MDN1: variants seen among roughly 807,000 people sequenced by gnomAD.
MDN1 encodes the protein midasin.
A neutral mutation model predicts 669.2 loss-of-function variants in MDN1; 266 were observed. The observed-to-expected ratio is 0.40, with a 90% confidence interval of 0.36 to 0.44. The LOEUF is 0.44. Among genes scored for constraint, MDN1 ranks in the 20% least tolerant of loss-of-function variants. The probability of loss-of-function intolerance (pLI) is 1.00; values close to 1 mark genes in which losing one functional copy is unlikely to be tolerated. For synonymous variants in MDN1, 2,385 were observed against 2,457.1 expected, an observed-to-expected ratio of 0.97 and a Z score of 0.87; for missense variants, 5,940 against 6,754.0, an observed-to-expected ratio of 0.88 and a Z score of 4.22.
Position 89,805,034 on chromosome 6 carries a change from C to CAAAAAA in MDN1, c.103-1486_103-1481dup, listed in dbSNP as rs34538984. On this transcript the variant is annotated intron_variant, in intron 1 of 101. Transcript: ENST00000369393. ...CCTGGGCGACAGCGAGACTCCGTCT[C>CAAAAAA]AAAAAAAAAAAAAAAAAAAAAAAAA... is the stretch of plus-strand genomic sequence containing the variant. Among the ~76,000 whole-genome samples the CAAAAAA allele has an allele frequency of 1.4e-3, 83 of 58,472 alleles. 2 individuals are homozygous for CAAAAAA. The highest frequency in any genetic ancestry group is 2.4e-3 in the South Asian group (3 of 1,274). 38.4% of individuals were successfully genotyped at this position (58,472 alleles called of 152,430 possible).
chr6:89,795,048 CG>C (rs1819507236), intron 2 of MDN1, among the ~76,000 whole-genome samples: 1 of 152,084 alleles, frequency 6.6e-6, no homozygotes, highest in Admixed American at 6.6e-5. Context: ...TCTACTTAGT[CG>C]TAAAATTGTA....
At chr6:89,738,216 T>C in intron 33 of MDN1, 110 bp downstream of exon 33, 1 of 1,278,422 alleles carries the variant, frequency 7.8e-7, no homozygotes. Context: ...TCCTTTCTTC[T>C]TATAACACAC....
chr6:89,659,051 G>A (rs1264720345), intron 88 of MDN1, 134 bp from the exon 89 acceptor site: 1 of 784,830 alleles, frequency 1.3e-6, no homozygotes, highest in African/African-American at 1.7e-5. Flanking sequence ...GTGACCCACA[G>A]GCCAAATCTG....
rs1319560829 is a variant in MDN1, at chr6:89,710,701, A to G, written c.7745T>C (p.Ile2582Thr). 4 of 1,588,158 alleles carry G rather than the reference A, an allele frequency of 2.5e-6. No homozygotes were observed. Among genetic ancestry groups the G allele is most frequent in the Non-Finnish European group, 2.6e-6 (3 of 1,168,462 alleles). The change falls in exon 50 of 102, where the codon ATA becomes ACA. Residue 2582 changes from isoleucine (I) to threonine (T), a missense_variant. Ile to Thr is a moderately conservative substitution (Grantham distance 89). Coordinates refer to ENST00000369393, the MANE Select transcript of MDN1 (RefSeq NM_014611.3). Reference protein sequence around the residue: ...LSGAVSNVFKILQPNTTDEFV... With the variant: ...LSGAVSNVFKTLQPNTTDEFV... Reference sequence around the variant, plus strand: ...CATACCTGTTGTATTTGGTTGTAATATTTTGAAAACATTACTGACTGCACC... The same window carrying G: ...CATACCTGTTGTATTTGGTTGTAATGTTTTGAAAACATTACTGACTGCACC...
intron 15 of MDN1, among the ~76,000 whole-genome samples, chr6:89,765,618 T>C (rs1277221999): frequency 3.3e-5 from 5 of 152,160 alleles, no homozygotes; most frequent in African/African-American, 7.2e-5. Flanking sequence ...CTGGCCAAAA[T>C]TGCTAGTCCT....
At chr6:89,678,891 C>T (rs1811421078) in intron 74 of MDN1, 146 bp from the exon 75 acceptor site, 1 of 783,262 alleles carries the variant, frequency 1.3e-6, no homozygotes, top group Non-Finnish European at 1.9e-6. Context: ...TAACATAGTC[C>T]CTAGCATTTG....
intron 34 of MDN1, 37 bp downstream of exon 34, chr6:89,732,520 C>T (rs750124643): frequency 2.5e-5 from 39 of 1,587,884 alleles, no homozygotes; most frequent in Admixed American, 5.0e-5. Flanking sequence ...CCCCTCTATA[C>T]GAGCCCCTTG....
chr6:89,675,448 A>T lies in MDN1; in HGVS notation c.12761+16T>A, dbSNP rs753358042. On this transcript the variant is annotated intron_variant, in intron 78 of 101. Transcript: ENST00000369393. ...CTTCCCAATTCATGCCACAAGCCCAACTCATCAGCTGATACCTGAGGATGA... is the reference window on the plus strand; with the variant it reads ...CTTCCCAATTCATGCCACAAGCCCATCTCATCAGCTGATACCTGAGGATGA... The T allele has an allele frequency of 6.2e-7, 1 of 1,605,562 alleles. No individual in the cohort carries two copies. The highest frequency in any genetic ancestry group is 8.5e-7 in the Non-Finnish European group (1 of 1,174,394).
chr6:89,656,517 G>A (rs2273241), intron 91 of MDN1, among the ~76,000 whole-genome samples, 183 bp downstream of exon 91: 92,612 of 151,884 alleles, frequency 0.61, 28,618 homozygotes, highest in East Asian at 0.95. Context: ...AAGCCGTGAC[G>A]GGATCCCACT....
chr6:89,740,700 T>A (rs980480066), intron 31 of MDN1, among the ~76,000 whole-genome samples: 1 of 152,210 alleles, frequency 6.6e-6, no homozygotes, highest in African/African-American at 2.4e-5. Flanking sequence ...TCAAATATCA[T>A]TGACTGGTGA....
At chr6:89,710,959 T>C (rs1323495464) in intron 49 of MDN1, among the ~76,000 whole-genome samples, 165 bp from the exon 50 acceptor site, 8 of 152,246 alleles carry the variant, frequency 5.3e-5, no homozygotes, top group Admixed American at 4.6e-4. Context: ...TTTATTTTTT[T>C]AAATCTAATC....
chr6:89,791,875 A>ATTTTTTTTTTTTTTTTTTTTTTTT (rs66492732), intron 5 of MDN1, among the ~76,000 whole-genome samples: 1 of 114,072 alleles, frequency 8.8e-6, no homozygotes, highest in African/African-American at 3.4e-5. Flanking sequence ...AAAACTTTTA[A>ATTTTTTTTTTTTTTTTTTTTTTTT]TTTTTTTTTT....
chr6:89,650,955 T>C (rs1808810077), intron 95 of MDN1, 108 bp from the exon 96 acceptor site: 1 of 747,962 alleles, frequency 1.3e-6, no homozygotes, highest in East Asian at 2.7e-5. Context: ...CTGCATGAAC[T>C]TTCTCAACAG....
At chr6:89,819,456 G>C (rs745970813) in intron 1 of MDN1, 50 bp downstream of exon 1, 30 of 1,529,334 alleles carry the variant, frequency 2.0e-5, no homozygotes, top group Non-Finnish European at 2.6e-5. Flanking sequence ...AAGCTTACTA[G>C]TGGGGCGACC....
At chr6:89,774,577 C>A in intron 13 of MDN1, 44 bp downstream of exon 13, 1 of 1,447,824 alleles carries the variant, frequency 6.9e-7, no homozygotes, top group Non-Finnish European at 9.7e-7. Flanking sequence ...TGTCAAGTTT[C>A]TGGAAACCCC....
At chr6:89,750,662 G>T in intron 23 of MDN1, 130 bp from the exon 24 acceptor site, 1 of 900,460 alleles carries the variant, frequency 1.1e-6, no homozygotes, top group Non-Finnish European at 1.7e-6. Flanking sequence ...AAGTATGGTG[G>T]TGCAATCATA....
chr6:89,747,531 G>A (rs1816698107), intron 26 of MDN1, 61 bp from the exon 27 acceptor site: 2 of 1,460,764 alleles, frequency 1.4e-6, no homozygotes, highest in Non-Finnish European at 1.9e-6. Flanking sequence ...TAAGTTTTTA[G>A]TACAATGCAT....
intron 34 of MDN1, among the ~76,000 whole-genome samples, chr6:89,731,722 C>T (rs1223923575): frequency 6.6e-6 from 1 of 151,872 alleles, no homozygotes. Flanking sequence ...CACATGTATA[C>T]TTATGTAACA....
At chr6:89,668,718 A>C (rs1051270753) in intron 83 of MDN1, among the ~76,000 whole-genome samples, 26 of 152,386 alleles carry the variant, frequency 1.7e-4, no homozygotes, top group African/African-American at 5.8e-4. Flanking sequence ...CTAATTAGCA[A>C]GGAATTAAGA....
Sources: allele counts gnomAD v4.1 joint callset (sites outside exome capture counted in the v4.1 genomes callset), GRCh38; gene constraint gnomAD v4.1.1; transcripts MANE v1.5; gene names NCBI Gene and HGNC (gene_info 2026-07-23, HGNC 2026-07-21).